The following YAF2 variants were observed in gnomAD, a reference collection of about 807,000 sequenced individuals.
YAF2 encodes the protein YY1-associated factor 2.
In YAF2, 7 loss-of-function variants were observed where a neutral mutation model predicts 20.1. The observed-to-expected ratio is 0.35, with a 90% CI of 0.20 to 0.65. The LOEUF is 0.65. Among genes scored for constraint, YAF2 ranks in the 30% least tolerant of loss-of-function variants. The probability of loss-of-function intolerance (pLI) is 0.69; values close to 1 mark genes in which losing one functional copy is unlikely to be tolerated. For missense variants in YAF2, 151 were observed against 219.2 expected, an observed-to-expected ratio of 0.69 and a Z score of 1.96; for synonymous variants, 74 against 76.0, an observed-to-expected ratio of 0.97 and a Z score of 0.14.
At chr12:42,200,758 T>C (rs1036044799) in intron 2 of YAF2, among the ~76,000 whole-genome samples, 4 of 152,340 alleles carry the variant, frequency 2.6e-5, no homozygotes, top group African/African-American at 9.6e-5. Context: ...CTTTTCCTTA[T>C]ATTTATGAGG....
chr12:42,161,757 C>G lies in YAF2; in HGVS notation c.161G>C (p.Arg54Pro). The change falls in exon 3 of 4, where the codon CGA (arginine) becomes CCA (proline). Residue 54 changes from arginine (R) to proline (P), a missense_variant. Arg to Pro is a moderately radical substitution (Grantham distance 103). Transcript: ENST00000534854. Reference protein sequence around the residue: ...VRKGTSTRKPRPVSQLVAQQV... With the variant: ...VRKGTSTRKPPPVSQLVAQQV... ...CTGTGCAACCAACTGGGAGACAGGT[C>G]GAGGTTTCCTGTGTGCATGTTAAAA... 6.2e-7 allele frequency: 1 copy of G among 1,602,008 alleles called. No homozygotes were observed. Among genetic ancestry groups the G allele is most frequent in the Non-Finnish European group, 8.5e-7 (1 of 1,177,044 alleles).
At position 42,159,173 on chromosome 12, in the gene YAF2, G is replaced by A. The variant is rs2065753087; in HGVS notation, c.*1416C>T. On this transcript the variant is annotated 3_prime_UTR_variant, in exon 4 of 4. Coordinates refer to ENST00000534854, the MANE Select transcript of YAF2 (RefSeq NM_005748.6). Reference sequence around the variant, plus strand: ...TAAACAGAAAATTACATTACCACATGAAACCACCAAATATCACAACTGTTA... The same window carrying A: ...TAAACAGAAAATTACATTACCACATAAAACCACCAAATATCACAACTGTTA... The A allele has an allele frequency of 6.6e-6, 1 of 152,086 alleles. No homozygotes were observed. Among genetic ancestry groups the A allele is most frequent in the Admixed American group, 6.6e-5 (1 of 15,264 alleles). 9.4% of individuals were successfully genotyped at this position (152,086 alleles called of 1,614,324 possible).
chr12:42,224,856 C>G (rs200510317), intron 2 of YAF2, among the ~76,000 whole-genome samples: 1 of 151,978 alleles, frequency 6.6e-6, no homozygotes, highest in Non-Finnish European at 1.5e-5. Flanking sequence ...TGTGTCTTTA[C>G]AGTAGAATGA....
intron 2 of YAF2, among the ~76,000 whole-genome samples, chr12:42,165,773 G>GTTTTTTTTT (rs71084620): frequency 8.6e-6 from 1 of 116,110 alleles, no homozygotes; most frequent in African/African-American, 3.5e-5. Context: ...GCCCGGCCAG[G>GTTTTTTTTT]TTTTTTTTTT....
intron 2 of YAF2, among the ~76,000 whole-genome samples, chr12:42,165,857 A>G (rs2065904321): frequency 6.9e-6 from 1 of 144,654 alleles, no homozygotes; most frequent in South Asian, 2.2e-4. Flanking sequence ...TCTTGTAAGT[A>G]CTGATTCTTG....
intron 2 of YAF2, among the ~76,000 whole-genome samples, chr12:42,192,972 G>A (rs2066653434): frequency 6.6e-6 from 1 of 152,194 alleles, no homozygotes; most frequent in Admixed American, 6.6e-5. Context: ...TGTGTTTGCA[G>A]TGATGCTGAT....
intron 2 of YAF2, among the ~76,000 whole-genome samples, chr12:42,197,811 C>T (rs1222166227): frequency 6.6e-6 from 1 of 152,102 alleles, no homozygotes; most frequent in African/African-American, 2.4e-5. Context: ...AATTTGGCTG[C>T]TATTGGGATA....
intron 2 of YAF2, among the ~76,000 whole-genome samples, chr12:42,196,902 C>T (rs2066767259): frequency 6.6e-6 from 1 of 152,126 alleles, no homozygotes; most frequent in African/African-American, 2.4e-5. Context: ...GCTGATGAGT[C>T]TGACTGGGAC....
At chr12:42,225,883 A>C (rs2067676945) in intron 2 of YAF2, among the ~76,000 whole-genome samples, 1 of 151,958 alleles carries the variant, frequency 6.6e-6, no homozygotes. Context: ...TTCCACATGA[A>C]ATTTAAATTA....
intron 2 of YAF2, among the ~76,000 whole-genome samples, chr12:42,215,211 T>C (rs1054873475): frequency 5.3e-5 from 8 of 152,330 alleles, no homozygotes; most frequent in African/African-American, 1.9e-4. Context: ...ATTCTGCCTA[T>C]GTTCTAAATA....
intron 2 of YAF2, among the ~76,000 whole-genome samples, chr12:42,168,345 A>AT (rs1002677857): frequency 2.0e-5 from 3 of 151,434 alleles, no homozygotes; most frequent in African/African-American, 4.9e-5. Flanking sequence ...TGCCCAGCTA[A>AT]TTTTTTTTGT....
intron 2 of YAF2, among the ~76,000 whole-genome samples, chr12:42,185,999 G>A (rs759521559): frequency 6.6e-6 from 1 of 152,018 alleles, no homozygotes; most frequent in African/African-American, 2.4e-5. Context: ...TCAGGAGTTC[G>A]AGACCAGCCT....
intron 2 of YAF2, chr12:42,235,790 T>C: frequency 6.5e-7 from 1 of 1,535,852 alleles, no homozygotes; most frequent in Non-Finnish European, 8.7e-7. Context: ...GGCCCCCATG[T>C]GGGCCTCAAG....
chr12:42,221,816 T>C (rs531777231), intron 2 of YAF2, among the ~76,000 whole-genome samples: 47 of 152,298 alleles, frequency 3.1e-4, no homozygotes, highest in African/African-American at 1.0e-3. Context: ...TTGAAAACAA[T>C]AGTAGTCTCA....
At chr12:42,181,122 T>C (rs2066331311) in intron 2 of YAF2, among the ~76,000 whole-genome samples, 1 of 152,174 alleles carries the variant, frequency 6.6e-6, no homozygotes. Flanking sequence ...AATCATCCAT[T>C]AGGTTACAGC....
intron 2 of YAF2, among the ~76,000 whole-genome samples, chr12:42,194,283 TACTC>T (rs1445593914): frequency 1.3e-5 from 2 of 152,338 alleles, no homozygotes; most frequent in East Asian, 3.9e-4. Flanking sequence ...ATTCATTCAC[TACTC>T]ACTCACTCAC....
intron 2 of YAF2, among the ~76,000 whole-genome samples, chr12:42,173,525 A>T (rs1041334678): frequency 2.0e-5 from 3 of 152,186 alleles, no homozygotes; most frequent in Admixed American, 1.3e-4. Flanking sequence ...AATCTTCAAG[A>T]CTACAAATAG....
At chr12:42,164,071 T>C (rs2065858289) in intron 2 of YAF2, among the ~76,000 whole-genome samples, 2 of 152,208 alleles carry the variant, frequency 1.3e-5, no homozygotes, top group South Asian at 4.1e-4. Context: ...ATGCCAAAGG[T>C]TCTGTGATAA....
rs1387335453 is a variant in YAF2 at position 42,227,148 on chromosome 12, C to T, written c.152+10451G>A. On this transcript the variant is annotated intron_variant, in intron 2 of 3. Coordinates refer to ENST00000534854, the MANE Select transcript of YAF2 (RefSeq NM_005748.6). ...TGCCGCCGCGCCGGCGAGCGCCGCC[C>T]GGGAGGCAGCGGCTGGAGGAGCGGA... Among the ~76,000 whole-genome samples the T allele has an allele frequency of 3.9e-3, 572 of 145,760 alleles. 1 individual carries two copies. Among genetic ancestry groups the T allele is most frequent in the Non-Finnish European group, 6.5e-3 (431 of 66,072 alleles).
Sources: gnomAD v4.1 joint callset for allele counts (sites outside exome capture counted in the v4.1 genomes callset) on GRCh38, gnomAD v4.1.1 for gene constraint, MANE v1.5 for transcripts, NCBI Gene and HGNC (gene_info 2026-07-23, HGNC 2026-07-21) for gene names.